The following TSHZ2 variants were observed in gnomAD, a reference collection of about 807,000 sequenced individuals.
TSHZ2 encodes teashirt zinc finger homeobox 2.
Under a neutral mutation model 74.4 loss-of-function variants are expected in TSHZ2, and 21 were observed. The observed-to-expected ratio is 0.28, with a 90% confidence interval of 0.20 to 0.41. The LOEUF (loss-of-function observed/expected upper bound fraction) is 0.41, where lower values mean the gene tolerates loss of function less well. TSHZ2 is among the 10% of genes least tolerant of loss of function. TSHZ2 has a pLI of 1.00. For missense variants in TSHZ2, 1,244 were observed against 1,293.5 expected, an observed-to-expected ratio of 0.96 and a Z score of 0.59; for synonymous variants, 540 against 515.3, an observed-to-expected ratio of 1.05 and a Z score of -0.65.
At chr20:53,300,252 A>G (rs564976547) in intron 2 of TSHZ2, among the ~76,000 whole-genome samples, 1 of 152,234 alleles carries the variant, frequency 6.6e-6, no homozygotes, top group African/African-American at 2.4e-5. Context: ...AGCAAATGTC[A>G]AACCTTAGGA....
At chr20:52,986,310 G>A (rs150413248) in intron 1 of TSHZ2, among the ~76,000 whole-genome samples, 1,881 of 151,296 alleles carry the variant, frequency 0.012, 26 homozygotes, top group African/African-American at 0.042. Flanking sequence ...GCTGAAGCAG[G>A]AGAATTGCTT....
chr20:53,266,948 C>T (rs1990732600), intron 2 of TSHZ2, among the ~76,000 whole-genome samples: 1 of 152,052 alleles, frequency 6.6e-6, no homozygotes, highest in Admixed American at 6.5e-5. Context: ...AGCTAATTTT[C>T]TGTGTTTTTA....
intron 2 of TSHZ2, among the ~76,000 whole-genome samples, chr20:53,290,116 G>C (rs867405784): frequency 6.6e-6 from 1 of 152,066 alleles, no homozygotes; most frequent in Non-Finnish European, 1.5e-5. Flanking sequence ...TGTCAATGGC[G>C]TTCCACCTTC....
intron 1 of TSHZ2, among the ~76,000 whole-genome samples, chr20:52,999,932 GAGA>G (rs765164802): frequency 1.7e-4 from 26 of 152,180 alleles, no homozygotes; most frequent in Non-Finnish European, 2.8e-4. Context: ...CCCACTAAGA[GAGA>G]AGAAGATGGT....
chr20:53,192,813 T>G (rs938856453), intron 1 of TSHZ2, among the ~76,000 whole-genome samples: 1 of 152,336 alleles, frequency 6.6e-6, no homozygotes, highest in South Asian at 2.1e-4. Flanking sequence ...TTTTCATCAT[T>G]GGGCAATTTT....
intron 1 of TSHZ2, among the ~76,000 whole-genome samples, chr20:53,197,843 C>A (rs1988909448): frequency 6.6e-6 from 1 of 152,152 alleles, no homozygotes; most frequent in Admixed American, 6.5e-5. Flanking sequence ...CAAGGGAGGA[C>A]ATTTTTCAGC....
chr20:53,025,900 C>T (rs1983423284), intron 1 of TSHZ2, among the ~76,000 whole-genome samples: 1 of 152,086 alleles, frequency 6.6e-6, no homozygotes, highest in Non-Finnish European at 1.5e-5. Flanking sequence ...CCACCCCCAC[C>T]CATAAAAACA....
chr20:53,031,537 A>G (rs950673601), intron 1 of TSHZ2, among the ~76,000 whole-genome samples: 3 of 152,218 alleles, frequency 2.0e-5, no homozygotes, highest in African/African-American at 7.2e-5. Flanking sequence ...GGCCTGTAGC[A>G]TCTGACTCCT....
In TSHZ2 at chr20:53,052,027, A is replaced by G. The variant is rs75886068; in HGVS notation, c.40+78694A>G. Reference sequence around the variant, plus strand: ...TTTATCATCTGGAACATTGTTAAGTATACAGTTTAGAAGTGTCATGTATAT... The same window carrying G: ...TTTATCATCTGGAACATTGTTAAGTGTACAGTTTAGAAGTGTCATGTATAT... On this transcript the variant is annotated intron_variant, in intron 1 of 2. Transcript: ENST00000371497. 3.4e-4 allele frequency among the ~76,000 whole-genome samples: 52 copies of G among 152,274 alleles called. No homozygotes were observed. The East Asian group carries it at 9.8e-3, about 29-fold the overall frequency.
intron 1 of TSHZ2, among the ~76,000 whole-genome samples, chr20:53,083,896 T>C (rs1313886209): frequency 2.0e-5 from 3 of 152,190 alleles, no homozygotes; most frequent in Non-Finnish European, 4.4e-5. Context: ...TAAGCATTTA[T>C]TGCATTTTTT....
At chr20:53,421,112 T>C (rs1983452558) in intron 2 of TSHZ2, 1 of 152,300 alleles carries the variant, frequency 6.6e-6, no homozygotes, top group South Asian at 2.1e-4. Context: ...TCTTACTAAA[T>C]GAGAGACACT....
chr20:53,411,081 T>C (rs1249212984), intron 2 of TSHZ2, among the ~76,000 whole-genome samples: 3 of 152,234 alleles, frequency 2.0e-5, no homozygotes, highest in Non-Finnish European at 2.9e-5. Context: ...TGAAACACTT[T>C]CCTGTTCATA....
At chr20:53,099,849 C>A (rs1030621277) in intron 1 of TSHZ2, among the ~76,000 whole-genome samples, 2 of 152,224 alleles carry the variant, frequency 1.3e-5, no homozygotes, top group Non-Finnish European at 2.9e-5. Flanking sequence ...AGCTACAATT[C>A]AAGAGGAGAT....
intron 2 of TSHZ2, among the ~76,000 whole-genome samples, chr20:53,417,917 T>C (rs1983328351): frequency 6.6e-6 from 1 of 152,122 alleles, no homozygotes; most frequent in African/African-American, 2.4e-5. Context: ...CTGCTTTGAG[T>C]GCTAGAGACA....
chr20:53,271,687 G>C (rs1247504414), intron 2 of TSHZ2, among the ~76,000 whole-genome samples: 2 of 152,204 alleles, frequency 1.3e-5, no homozygotes, highest in Non-Finnish European at 2.9e-5. Flanking sequence ...TAGCCAGGAG[G>C]ATAAGAGGGA....
chr20:53,382,246 A>T (rs1331360530), intron 2 of TSHZ2, among the ~76,000 whole-genome samples: 1 of 151,968 alleles, frequency 6.6e-6, no homozygotes, highest in Admixed American at 6.6e-5. Flanking sequence ...CCAAATCCCG[A>T]CATTCCTTCC....
intron 1 of TSHZ2, among the ~76,000 whole-genome samples, chr20:52,979,463 C>T (rs900056496): frequency 5.9e-5 from 9 of 152,054 alleles, no homozygotes; most frequent in Non-Finnish European, 4.4e-5. Context: ...TCATTTTGTC[C>T]GAGAAATTAT....
At chr20:53,293,232 G>A (rs1223684688) in intron 2 of TSHZ2, among the ~76,000 whole-genome samples, 1 of 152,184 alleles carries the variant, frequency 6.6e-6, no homozygotes, top group African/African-American at 2.4e-5. Flanking sequence ...GGAGGCCAAG[G>A]TAGGAGGATC....
At chr20:53,283,967 G>T (rs1236779840) in intron 2 of TSHZ2, among the ~76,000 whole-genome samples, 1 of 152,226 alleles carries the variant, frequency 6.6e-6, no homozygotes, top group East Asian at 1.9e-4. Context: ...AAAGAGGCTT[G>T]AATGTAGAGC....
Sources: gnomAD v4.1 joint callset for allele counts (sites outside exome capture counted in the v4.1 genomes callset) on GRCh38, gnomAD v4.1.1 for gene constraint, MANE v1.5 for transcripts, NCBI Gene and HGNC (gene_info 2026-07-23, HGNC 2026-07-21) for gene names.